RBFOX1: variants seen among roughly 807,000 people sequenced by gnomAD.
RBFOX1 encodes the protein RNA binding fox-1 homolog 1.
Under a neutral mutation model 57.7 loss-of-function variants are expected in RBFOX1, and 8 were observed. That is an observed-to-expected ratio of 0.14 (90% confidence interval 0.08 to 0.25). RBFOX1 has a LOEUF of 0.25. Ranked by LOEUF, RBFOX1 falls within the 10% of genes least tolerant of loss-of-function variation. The pLI is 1.00. For synonymous variants in RBFOX1, 326 were observed against 222.4 expected (o/e 1.47, Z -4.15); for missense variants, 611 against 548.5 (o/e 1.11, Z -1.14).
intron 3 of RBFOX1, among the ~76,000 whole-genome samples, chr16:5,668,626 T>C (rs138647355): frequency 6.6e-6 from 1 of 152,344 alleles, no homozygotes; most frequent in Non-Finnish European, 1.5e-5. Context: ...AGGTGTGTTA[T>C]GCATAACTCT....
intron 3 of RBFOX1, among the ~76,000 whole-genome samples, chr16:7,026,080 G>T (rs965248569): frequency 6.6e-6 from 1 of 152,164 alleles, no homozygotes; most frequent in Non-Finnish European, 1.5e-5. Context: ...CCAGGCTGGG[G>T]TGCTTGCTAT....
chr16:6,663,398 C>T (rs771192847), intron 3 of RBFOX1, among the ~76,000 whole-genome samples: 1 of 152,174 alleles, frequency 6.6e-6, no homozygotes, highest in Admixed American at 6.5e-5. Flanking sequence ...ATGAGCATGA[C>T]ATAGCCAGCA....
At chr16:6,272,555 G>A (rs1041283135) in intron 1 of RBFOX1, among the ~76,000 whole-genome samples, 6 of 152,006 alleles carry the variant, frequency 3.9e-5, no homozygotes, top group East Asian at 1.9e-4. Context: ...TAAAAATCCC[G>A]GTAAGCTTTT....
At chr16:7,427,335 T>G (rs2098630437) in intron 4 of RBFOX1, among the ~76,000 whole-genome samples, 1 of 152,224 alleles carries the variant, frequency 6.6e-6, no homozygotes, top group Non-Finnish European at 1.5e-5. Context: ...CCAAGTAATT[T>G]GCATTCTAAC....
intron 3 of RBFOX1, among the ~76,000 whole-genome samples, chr16:6,936,527 C>G (rs1336315791): frequency 6.6e-6 from 1 of 152,090 alleles, no homozygotes; most frequent in African/African-American, 2.4e-5. Context: ...ACGTAAAATG[C>G]TCTGGGGAGG....
Position 6,249,887 on chromosome 16 carries a change from T to A in RBFOX1, c.-126-67108T>A, listed in dbSNP as rs140204839. Among the ~76,000 whole-genome samples the A allele has an allele frequency of 1.0e-3, 156 of 152,048 alleles. 1 individual carries two copies. The East Asian group carries it at 0.029, about 28-fold the overall frequency. On this transcript the variant is annotated intron_variant, in intron 1 of 15. Transcript: ENST00000550418. Reference sequence around the variant, plus strand: ...TGTGCTGCACCCAGTAACTCGTCGTTTAACATTAGGTATATCTCCAACTGC... The same window carrying A: ...TGTGCTGCACCCAGTAACTCGTCGTATAACATTAGGTATATCTCCAACTGC...
intron 3 of RBFOX1, among the ~76,000 whole-genome samples, chr16:6,725,014 C>T (rs1311258690): frequency 1.5e-5 from 2 of 136,612 alleles, no homozygotes; most frequent in African/African-American, 5.3e-5. Context: ...CCAGGAGTCA[C>T]TTTTGTTGCC....
At chr16:7,114,905 T>C (rs1200028263) in intron 4 of RBFOX1, among the ~76,000 whole-genome samples, 1 of 152,184 alleles carries the variant, frequency 6.6e-6, no homozygotes, top group Non-Finnish European at 1.5e-5. Flanking sequence ...AACCAAAATT[T>C]GGAAAATTGT....
intron 14 of RBFOX1, among the ~76,000 whole-genome samples, chr16:7,681,191 T>A (rs565066986): frequency 1.3e-5 from 2 of 152,264 alleles, no homozygotes; most frequent in African/African-American, 4.8e-5. Context: ...GATAGACATA[T>A]ACATACATCC....
intron 2 of RBFOX1, among the ~76,000 whole-genome samples, chr16:5,565,424 A>C (rs2046030686): frequency 6.6e-6 from 1 of 152,028 alleles, no homozygotes; most frequent in South Asian, 2.1e-4. Context: ...TTGGGAGTTC[A>C]AAAGCAGCCT....
chr16:6,042,507 G>A (rs1338862061), intron 1 of RBFOX1, among the ~76,000 whole-genome samples: 1 of 152,050 alleles, frequency 6.6e-6, no homozygotes, highest in African/African-American at 2.4e-5. Context: ...CAATCCATCT[G>A]CAAACTTAAT....
At position 6,776,975 on chromosome 16, in the gene RBFOX1, G is replaced by T. The variant is rs973554844; in HGVS notation, c.-16+122325G>T. On this transcript the variant is annotated intron_variant, in intron 3 of 15. Transcript: ENST00000550418. ...ATCTGAGAGGTTGAAATTTATTTACGTGATTTTGATGCAGTTGTAATTAAA... is the reference window on the plus strand; with the variant it reads ...ATCTGAGAGGTTGAAATTTATTTACTTGATTTTGATGCAGTTGTAATTAAA... Among the ~76,000 whole-genome samples, 6 of 152,116 alleles carry T rather than the reference G, an allele frequency of 3.9e-5. No homozygotes were observed. The East Asian group carries it at 1.2e-3, about 29-fold the overall frequency.
intron 4 of RBFOX1, among the ~76,000 whole-genome samples, chr16:7,464,274 C>G (rs2060091126): frequency 6.6e-6 from 1 of 152,100 alleles, no homozygotes; most frequent in Admixed American, 6.6e-5. Flanking sequence ...CATTGGAGCT[C>G]CCCAGTAGGA....
chr16:5,933,651 CT>C (rs771921526), intron 4 of RBFOX1, among the ~76,000 whole-genome samples: 9 of 152,096 alleles, frequency 5.9e-5, no homozygotes, highest in Non-Finnish European at 1.3e-4. Flanking sequence ...GGGAGTTAGG[CT>C]TTGATTGTTC....
intron 3 of RBFOX1, among the ~76,000 whole-genome samples, chr16:5,647,542 G>C (rs931683520): frequency 3.3e-5 from 5 of 152,142 alleles, no homozygotes; most frequent in African/African-American, 1.2e-4. Context: ...CTGAGCAAAT[G>C]TTAGTCTCTG....
chr16:6,121,682 TG>T (rs1361781868), intron 1 of RBFOX1, among the ~76,000 whole-genome samples: 1 of 152,032 alleles, frequency 6.6e-6, no homozygotes, highest in East Asian at 1.9e-4. Context: ...GGTTAACAGG[TG>T]GGGAGCTCTT....
chr16:6,690,673 A>G (rs1404224231), intron 3 of RBFOX1, among the ~76,000 whole-genome samples: 1 of 151,946 alleles, frequency 6.6e-6, no homozygotes, highest in Non-Finnish European at 1.5e-5. Context: ...AGTCGATTAT[A>G]GTACAGTAGG....
intron 1 of RBFOX1, among the ~76,000 whole-genome samples, chr16:5,435,160 T>C (rs1015825001): frequency 2.0e-5 from 3 of 152,240 alleles, no homozygotes; most frequent in African/African-American, 7.2e-5. Flanking sequence ...CACCTGATTC[T>C]TCCCTGTGGT....
intron 4 of RBFOX1, among the ~76,000 whole-genome samples, chr16:5,903,270 T>C (rs1330122711): frequency 6.6e-6 from 1 of 152,184 alleles, no homozygotes; most frequent in Non-Finnish European, 1.5e-5. Context: ...CTCTGACATA[T>C]TTCACCACTG....
Sources: allele counts gnomAD v4.1 joint callset (sites outside exome capture counted in the v4.1 genomes callset), GRCh38; gene constraint gnomAD v4.1.1; transcripts MANE v1.5; gene names NCBI Gene and HGNC (gene_info 2026-07-23, HGNC 2026-07-21).